The following TLE3 variants were observed in gnomAD, a reference collection of about 807,000 sequenced individuals.
TLE3 encodes transducin-like enhancer protein 3.
Under a neutral mutation model 93.0 loss-of-function variants are expected in TLE3, and 14 were observed. The observed-to-expected ratio is 0.15, with a 90% CI of 0.10 to 0.24. The LOEUF is 0.24. TLE3 is among the 10% of genes least tolerant of loss of function. The pLI is 1.00. For synonymous variants in TLE3, 451 were observed against 425.0 expected, an observed-to-expected ratio of 1.06 and a Z score of -0.75; for missense variants, 693 against 1,046.6, an observed-to-expected ratio of 0.66 and a Z score of 4.66.
chr15:70,063,490 G>C (rs994298952), intron 8 of TLE3, among the ~76,000 whole-genome samples: 1 of 152,188 alleles, frequency 6.6e-6, no homozygotes, highest in Non-Finnish European at 1.5e-5. Context: ...GCCTGGGTAG[G>C]GGGAGGGCCA....
At position 70,051,419 on chromosome 15, in the gene TLE3, C is replaced by T; in HGVS notation, c.2174G>A (p.Arg725Lys). 6.2e-7 allele frequency: 1 copy of T among 1,610,494 alleles called. No homozygotes were observed. The highest frequency in any genetic ancestry group is 8.5e-7 in the Non-Finnish European group (1 of 1,178,438). ...TGKDNLLNAWRTPYGASIFQS... is the reference protein window; with the variant it reads ...TGKDNLLNAWKTPYGASIFQS... ...GAATATGCTGGCTCCATAAGGCGTC[C>T]TCCAGGCGTTGAGAAGGTTATCTTT... The change falls in exon 19 of 20, where the codon AGG (arginine) becomes AAG (lysine). Residue 725 changes from arginine (R) to lysine (K), a missense_variant. Transcript: ENST00000451782.
intron 7 of TLE3, among the ~76,000 whole-genome samples, chr15:70,065,213 G>A (rs146546946): frequency 1.2e-3 from 186 of 152,350 alleles, no homozygotes; most frequent in Non-Finnish European, 1.8e-3. Context: ...TGTTGGCTAC[G>A]TGCCCCAGTA....
chr15:70,074,228 C>T (rs1335234371), intron 6 of TLE3, among the ~76,000 whole-genome samples: 4 of 152,168 alleles, frequency 2.6e-5, no homozygotes, highest in African/African-American at 9.6e-5. Context: ...GAAGGTGACC[C>T]TAGGCCCCCA....
intron 4 of TLE3, among the ~76,000 whole-genome samples, chr15:70,085,441 A>G (rs1277143426): frequency 6.6e-6 from 1 of 152,242 alleles, no homozygotes; most frequent in African/African-American, 2.4e-5. Context: ...ATCATCCAGT[A>G]GGCCCAATGG....
In TLE3 at chr15:70,050,223, G is replaced by C. The variant is rs770403284; in HGVS notation, c.2203-19C>G. On this transcript the variant is annotated intron_variant, in intron 19 of 19. Coordinates refer to ENST00000451782, the MANE Select transcript of TLE3 (RefSeq NM_001105192.3). ...CTTTAGACTGGAGGAGGAAGACGAG[G>C]AGAAGCAGCAGGAAGGCGTGGGGTG... 1.0e-5 allele frequency: 16 copies of C among 1,600,782 alleles called. No individual in the cohort carries two copies. Among genetic ancestry groups the C allele is most frequent in the Non-Finnish European group, 1.4e-5 (16 of 1,168,108 alleles).
Position 70,054,198 on chromosome 15 carries a change from T to C in TLE3, c.1826+240A>G, listed in dbSNP as rs75278572. 889 of 484,562 alleles carry C rather than the reference T, an allele frequency of 1.8e-3. 5 individuals carry two copies. Among genetic ancestry groups the C allele is most frequent in the African/African-American group, 0.016 (830 of 51,342 alleles). 30.0% of individuals were successfully genotyped at this position (484,562 alleles called of 1,614,324 possible). ...AATCTGACCTCCACTTCCCCAGACA[T>C]GCTCCAGCTCCACTTTCTTCCCAGA... On this transcript the variant is annotated intron_variant, in intron 16 of 19. Coordinates refer to ENST00000451782, the MANE Select transcript of TLE3 (RefSeq NM_001105192.3).
rs778209671 is a variant in TLE3, at chr15:70,094,605, G to A, written c.190-29C>T. On this transcript the variant is annotated intron_variant, in intron 3 of 19. Coordinates refer to ENST00000451782, the MANE Select transcript of TLE3 (RefSeq NM_001105192.3). Reference sequence around the variant, plus strand: ...AAAGTAAAAAGAATGGCTATTAACAGACAACACAGAAATCTGGTCATTTTT... The same window carrying A: ...AAAGTAAAAAGAATGGCTATTAACAAACAACACAGAAATCTGGTCATTTTT... The A allele has an allele frequency of 1.7e-5, 26 of 1,486,938 alleles. No individual in the cohort carries two copies. The South Asian group carries it at 2.8e-4, about 16-fold the overall frequency. 92.1% of individuals were successfully genotyped at this position (1,486,938 alleles called of 1,614,324 possible).
At chr15:70,094,375 G>A (rs1053754728) in intron 4 of TLE3, among the ~76,000 whole-genome samples, 157 bp downstream of exon 4, 1 of 151,958 alleles carries the variant, frequency 6.6e-6, no homozygotes, top group Non-Finnish European at 1.5e-5. Context: ...CAAAGCCTCA[G>A]ACCTTGCATT....
chr15:70,064,626 C>T (rs1049201898), intron 7 of TLE3, among the ~76,000 whole-genome samples, 156 bp from the exon 8 acceptor site: 8 of 152,170 alleles, frequency 5.3e-5, no homozygotes, highest in South Asian at 2.1e-4. Flanking sequence ...TTGCTGTCTC[C>T]GTGGATCAGC....
intron 8 of TLE3, among the ~76,000 whole-genome samples, chr15:70,062,584 G>A (rs997269444): frequency 2.0e-5 from 3 of 152,134 alleles, no homozygotes; most frequent in Admixed American, 6.5e-5. Flanking sequence ...TTATTGCTTC[G>A]GCTAGGCAAG....
rs913878795 is a variant in TLE3, at chr15:70,052,933, G to A, written c.1974+294C>T. The A allele has an allele frequency of 5.8e-5, 24 of 416,706 alleles. 1 individual carries two copies. In the South Asian group the frequency reaches 9.0e-4, roughly 16 times the overall value. 25.8% of individuals were successfully genotyped at this position (416,706 alleles called of 1,614,324 possible). A position where few individuals can be genotyped will look rare whatever the true frequency, so the allele number is the denominator to read the frequency against. ...AGGTGCCCACATCAGACCTAGGAGG[G>A]TGCTACTATTATTTCCATCTTGTGA... On this transcript the variant is annotated intron_variant, in intron 17 of 19. Transcript: ENST00000451782.
Position 70,064,221 on chromosome 15 carries a change from C to A in TLE3, c.594+233G>T, listed in dbSNP as rs61999938. Among the ~76,000 whole-genome samples the A allele has an allele frequency of 0.16, 24,657 of 152,194 alleles. 2,069 individuals are homozygous for A. Among genetic ancestry groups the A allele is most frequent in the African/African-American group, 0.18 (7,339 of 41,534 alleles). On this transcript the variant is annotated intron_variant, in intron 8 of 19. Coordinates refer to ENST00000451782, the MANE Select transcript of TLE3 (RefSeq NM_001105192.3). Reference sequence around the variant, plus strand: ...GCTCCCATTTTATGACAGTAGCTACCCCTCACCCTGCCACTGGCTCTGGAC... The same window carrying A: ...GCTCCCATTTTATGACAGTAGCTACACCTCACCCTGCCACTGGCTCTGGAC...
rs2056212611 is a variant in TLE3 at position 70,058,173 on chromosome 15, C to A, written c.1037G>T (p.Gly346Val). ...GLRSMPGKPP[G>V]MDPIASALRT... ...ACCCATTATACCTATCGGGTCCATG[C>A]CCGGAGGTTTACCCGGCATCGACCT... Residue 346 changes from glycine to valine, a missense_variant, in exon 12 of 20, where the codon GGC becomes GTC. Transcript: ENST00000451782. This position sits in a 1 kb window ranked among gnomAD's most constrained non-coding sequence, Gnocchi z 4.1. 1 of 1,613,998 alleles carries A rather than the reference C, an allele frequency of 6.2e-7. No homozygotes were observed. Among genetic ancestry groups the A allele is most frequent in the Non-Finnish European group, 8.5e-7 (1 of 1,179,880 alleles).
In TLE3 at chr15:70,058,654, C is replaced by G. The variant is rs77649304; in HGVS notation, c.918+9G>C. 9,657 of 1,585,220 alleles carry G rather than the reference C, an allele frequency of 6.1e-3. 483 individuals are homozygous for G. In the African/African-American group the frequency reaches 0.11, roughly 19 times the overall value. ...CCTTCCCACTCCCTTCCACCCAGACCCCACATACATGACCAAGGTCTTTGG... is the reference window on the plus strand; with the variant it reads ...CCTTCCCACTCCCTTCCACCCAGACGCCACATACATGACCAAGGTCTTTGG... On this transcript the variant is annotated intron_variant, in intron 11 of 19. Coordinates refer to ENST00000451782, the MANE Select transcript of TLE3 (RefSeq NM_001105192.3). This position sits in a 1 kb window ranked among gnomAD's most constrained non-coding sequence, Gnocchi z 4.1.
At chr15:70,093,374 C>T (rs911567740) in intron 4 of TLE3, among the ~76,000 whole-genome samples, 4 of 152,220 alleles carry the variant, frequency 2.6e-5, no homozygotes, top group African/African-American at 9.6e-5. Flanking sequence ...AGGAATCTGC[C>T]CACTTTCCAG....
chr15:70,073,341 G>A (rs989032780), intron 6 of TLE3, among the ~76,000 whole-genome samples: 1 of 152,134 alleles, frequency 6.6e-6, no homozygotes, highest in Non-Finnish European at 1.5e-5. Flanking sequence ...CAGACCTCCA[G>A]GTCTCTGCCC....
At chr15:70,095,839 C>G (rs2058528404) in intron 2 of TLE3, 198 bp from the exon 3 acceptor site, 1 of 672,570 alleles carries the variant, frequency 1.5e-6, no homozygotes, top group Non-Finnish European at 2.5e-6. Flanking sequence ...TTCGAAACTT[C>G]CCGCGAGCCA....
chr15:70,058,367 G>A lies in TLE3; in HGVS notation c.919-76C>T, dbSNP rs1261711542. 1.3e-6 allele frequency: 2 copies of A among 1,526,580 alleles called. No homozygotes were observed. The highest frequency in any genetic ancestry group is 2.1e-5 in the Admixed American group (1 of 47,644). The allele number at this position is 1,526,580 out of a possible 1,614,324, so 94.6% of individuals were successfully genotyped here. On this transcript the variant is annotated intron_variant, in intron 11 of 19. Transcript: ENST00000451782. This position sits in a 1 kb window ranked among gnomAD's most constrained non-coding sequence, Gnocchi z 4.1. ...TAGGAGCCGGGCACAACTGGTGCCG[G>A]TCCCAACGTGAAGCCCAGAGCCAGA...
intron 4 of TLE3, among the ~76,000 whole-genome samples, chr15:70,090,825 A>G (rs966862531): frequency 2.0e-5 from 3 of 152,204 alleles, no homozygotes; most frequent in Admixed American, 6.5e-5. Flanking sequence ...TCAAAACAGG[A>G]CTGTGGACAA....
Sources: allele counts gnomAD v4.1 joint callset (sites outside exome capture counted in the v4.1 genomes callset), GRCh38; gene constraint gnomAD v4.1.1; non-coding constraint Gnocchi (gnomAD v3.1); transcripts MANE v1.5; gene names NCBI Gene and HGNC (gene_info 2026-07-23, HGNC 2026-07-21).